GFRA1: variants seen among roughly 807,000 people sequenced by gnomAD.
The protein encoded by GFRA1 is GDNF family receptor alpha-1.
In GFRA1, 16 loss-of-function variants were observed where a neutral mutation model predicts 51.6. The observed-to-expected ratio is 0.31, with a 90% CI of 0.21 to 0.47. The LOEUF is 0.47. GFRA1 is among the 20% of genes least tolerant of loss of function. GFRA1 has a pLI of 1.00. For missense variants in GFRA1, 530 were observed against 594.3 expected, an observed-to-expected ratio of 0.89 and a Z score of 1.13; for synonymous variants, 270 against 241.3, an observed-to-expected ratio of 1.12 and a Z score of -1.10.
intron 4 of GFRA1, among the ~76,000 whole-genome samples, chr10:116,242,188 G>T (rs1283053590): frequency 6.6e-6 from 1 of 152,284 alleles, no homozygotes; most frequent in Non-Finnish European, 1.5e-5. Flanking sequence ...AACCCTGTGC[G>T]TTGGCAATTG....
chr10:116,240,503 C>T (rs780099311), intron 4 of GFRA1, among the ~76,000 whole-genome samples: 4 of 152,154 alleles, frequency 2.6e-5, no homozygotes, highest in African/African-American at 7.2e-5. Flanking sequence ...GGTGTGAGTC[C>T]TACCATTTCT....
chr10:116,138,703 G>T (rs978904274), intron 5 of GFRA1, among the ~76,000 whole-genome samples: 1 of 131,122 alleles, frequency 7.6e-6, no homozygotes, highest in African/African-American at 2.9e-5. Flanking sequence ...TCTCTCATGA[G>T]CTTGAGACAA....
intron 6 of GFRA1, among the ~76,000 whole-genome samples, chr10:116,100,337 A>G (rs1235607093): frequency 6.6e-6 from 1 of 152,240 alleles, no homozygotes; most frequent in Non-Finnish European, 1.5e-5. Context: ...CAGATGAGGA[A>G]ACCGAGGCAC....
At chr10:116,079,538 C>A (rs1955760651) in intron 9 of GFRA1, among the ~76,000 whole-genome samples, 2 of 152,058 alleles carry the variant, frequency 1.3e-5, no homozygotes, top group African/African-American at 4.8e-5. Context: ...CAGTGATTGT[C>A]AAGCAGGTGC....
intron 4 of GFRA1, among the ~76,000 whole-genome samples, chr10:116,246,794 T>C (rs575129441): frequency 2.0e-4 from 30 of 152,298 alleles, no homozygotes; most frequent in African/African-American, 7.0e-4. Flanking sequence ...TTATATGGTA[T>C]GTGAATTATA....
intron 5 of GFRA1, among the ~76,000 whole-genome samples, chr10:116,193,698 C>G (rs986045058): frequency 6.6e-6 from 1 of 152,162 alleles, no homozygotes. Flanking sequence ...TCCAGACCAA[C>G]CTGCCTCCCC....
chr10:116,068,442 G>C (rs1323825740), intron 9 of GFRA1, among the ~76,000 whole-genome samples: 1 of 152,144 alleles, frequency 6.6e-6, no homozygotes, highest in Non-Finnish European at 1.5e-5. Context: ...TGAGATGAGG[G>C]CCAGAGTGTG....
rs1053984851 is a variant in GFRA1, at chr10:116,059,737, G to A, written c.*4661C>T. 6.6e-6 allele frequency: 1 copy of A among 152,186 alleles called. No homozygotes were observed. The highest frequency in any genetic ancestry group is 2.1e-4 in the South Asian group (1 of 4,828). 9.4% of individuals were successfully genotyped at this position (152,186 alleles called of 1,614,324 possible). A position where few individuals can be genotyped will look rare whatever the true frequency, so the allele number is the denominator to read the frequency against. ...AGGAGAAGCTCATCAGAGACACTGG[G>A]AGCAACAAAGGGATTCCTGGCAAGG... On this transcript the variant is annotated 3_prime_UTR_variant, in exon 11 of 11. Transcript: ENST00000355422.
intron 6 of GFRA1, among the ~76,000 whole-genome samples, chr10:116,114,599 G>A (rs1394679781): frequency 6.6e-6 from 1 of 152,056 alleles, no homozygotes; most frequent in Non-Finnish European, 1.5e-5. Context: ...GTCTTGCTGT[G>A]TAGTCCAGGC....
chr10:116,121,482 G>A (rs7920190), intron 6 of GFRA1, among the ~76,000 whole-genome samples: 100 of 152,296 alleles, frequency 6.6e-4, no homozygotes, highest in African/African-American at 2.2e-3. Context: ...AAAGTCAAAC[G>A]GAAAAGCTAA....
At chr10:116,157,417 C>A (rs1241876914) in intron 5 of GFRA1, among the ~76,000 whole-genome samples, 1 of 152,214 alleles carries the variant, frequency 6.6e-6, no homozygotes, top group African/African-American at 2.4e-5. Flanking sequence ...GCATACCCAG[C>A]ACACCAGCAG....
intron 9 of GFRA1, among the ~76,000 whole-genome samples, chr10:116,075,610 C>T (rs538999385): frequency 4.7e-4 from 71 of 152,232 alleles, no homozygotes; most frequent in Non-Finnish European, 9.9e-4. Context: ...AGGCCTGGCC[C>T]TTCAGCATCT....
In GFRA1 at chr10:116,062,282, A is replaced by C; in HGVS notation, c.*2116T>G. ...TTAATGAAAACAAAATACACTCTGT[A>C]AGAGATATGCGCTCATAGATAACTG... On this transcript the variant is annotated 3_prime_UTR_variant, in exon 11 of 11. Transcript: ENST00000355422. 2.5e-6 allele frequency: 1 copy of C among 396,694 alleles called. No homozygotes were observed. The highest frequency in any genetic ancestry group is 4.4e-6 in the Non-Finnish European group (1 of 225,276). 24.6% of individuals were successfully genotyped at this position (396,694 alleles called of 1,614,324 possible).
chr10:116,193,334 G>C (rs1963439533), intron 5 of GFRA1, among the ~76,000 whole-genome samples: 1 of 152,060 alleles, frequency 6.6e-6, no homozygotes, highest in Non-Finnish European at 1.5e-5. Flanking sequence ...TAAGACTTTG[G>C]GGTTTTTTGA....
chr10:116,099,417 T>C (rs558484220), intron 6 of GFRA1, among the ~76,000 whole-genome samples: 2 of 152,320 alleles, frequency 1.3e-5, no homozygotes, highest in Non-Finnish European at 2.9e-5. Context: ...ATGTCTCCAG[T>C]TGAGTCCCAA....
chr10:116,136,028 T>C (rs1009362337), intron 5 of GFRA1, among the ~76,000 whole-genome samples: 1 of 152,200 alleles, frequency 6.6e-6, no homozygotes, highest in African/African-American at 2.4e-5. Flanking sequence ...ATAATCTTTA[T>C]AACATCCCAA....
chr10:116,173,501 C>CA (rs1312295169), intron 5 of GFRA1, among the ~76,000 whole-genome samples: 1 of 152,206 alleles, frequency 6.6e-6, no homozygotes, highest in African/African-American at 2.4e-5. Context: ...TTGCCTCTGG[C>CA]ATATGGTACA....
chr10:116,138,486 G>A (rs547424505), intron 5 of GFRA1, among the ~76,000 whole-genome samples: 5 of 152,102 alleles, frequency 3.3e-5, no homozygotes, highest in South Asian at 2.1e-4. Flanking sequence ...AGTATATTCC[G>A]TCCTCATTCC....
intron 6 of GFRA1, among the ~76,000 whole-genome samples, chr10:116,110,711 C>G (rs372679913): frequency 1.3e-5 from 2 of 152,184 alleles, no homozygotes; most frequent in African/African-American, 4.8e-5. Context: ...GGCAACAAAC[C>G]GTTCAATTAC....
Sources: allele counts gnomAD v4.1 joint callset (sites outside exome capture counted in the v4.1 genomes callset), GRCh38; gene constraint gnomAD v4.1.1; transcripts MANE v1.5; gene names NCBI Gene and HGNC (gene_info 2026-07-23, HGNC 2026-07-21).